RASA1: variants seen among roughly 807,000 people sequenced by gnomAD.
The protein encoded by RASA1 is RAS p21 protein activator 1.
In RASA1, 25 loss-of-function variants were observed where a neutral mutation model predicts 132.2. The ratio of observed to expected loss-of-function variants is 0.19; its 90% CI spans 0.14 to 0.26. RASA1 has a LOEUF of 0.26. RASA1 is among the 10% of genes least tolerant of loss of function. The pLI is 1.00. For missense variants in RASA1, 964 were observed against 1,299.2 expected (o/e 0.74, Z 3.97); for synonymous variants, 477 against 449.9 (o/e 1.06, Z -0.76).
At chr5:87,274,944 C>T (rs879690593) in intron 1 of RASA1, among the ~76,000 whole-genome samples, 4 of 152,126 alleles carry the variant, frequency 2.6e-5, no homozygotes, top group South Asian at 2.1e-4. Context: ...GGGAAGTTGA[C>T]GGTGATGTCT....
At chr5:87,374,132 A>T (rs943366557) in intron 13 of RASA1, 31 bp from the exon 14 acceptor site, 30 of 1,211,396 alleles carry the variant, frequency 2.5e-5, no homozygotes, top group African/African-American at 9.7e-5. Context: ...AATCTGGGGT[A>T]ATATATATAT....
At chr5:87,359,445 A>G (rs1759906796) in intron 9 of RASA1, among the ~76,000 whole-genome samples, 2 of 152,296 alleles carry the variant, frequency 1.3e-5, no homozygotes, top group South Asian at 4.1e-4. Flanking sequence ...CTTCTAGTGT[A>G]TTGGAATCTT....
intron 1 of RASA1, among the ~76,000 whole-genome samples, chr5:87,290,689 C>T (rs1024916708): frequency 1.3e-5 from 2 of 152,170 alleles, no homozygotes; most frequent in Non-Finnish European, 1.5e-5. Flanking sequence ...AATCTTTTTA[C>T]TGTCTCCATA....
intron 15 of RASA1, among the ~76,000 whole-genome samples, chr5:87,376,068 T>A (rs1761305925): frequency 6.6e-6 from 1 of 152,204 alleles, no homozygotes; most frequent in Non-Finnish European, 1.5e-5. Context: ...ATTATTTCTC[T>A]GTACTCGAAT....
chr5:87,376,137 T>A (rs779435867), intron 15 of RASA1: 9 of 512,938 alleles, frequency 1.8e-5, no homozygotes, highest in Non-Finnish European at 2.8e-5. Flanking sequence ...TTTCTTGCCT[T>A]CTTGACTAAA....
chr5:87,284,436 A>C (rs1358224605), intron 1 of RASA1, among the ~76,000 whole-genome samples: 1 of 152,146 alleles, frequency 6.6e-6, no homozygotes, highest in Non-Finnish European at 1.5e-5. Context: ...ATTTAGAAGA[A>C]ATTATTATTA....
chr5:87,376,440 G>A lies in RASA1; in HGVS notation c.2059G>A (p.Asp687Asn). The A allele has an allele frequency of 1.2e-6, 2 of 1,614,046 alleles. No individual in the cohort carries two copies. The highest frequency in any genetic ancestry group is 1.7e-6 in the Non-Finnish European group (2 of 1,179,984). ...CCGATTACAGAAAGGGCATGCCACAGATGAATGGTTTCTGCTCAGCTCCCA... is the reference window on the plus strand; with the variant it reads ...CCGATTACAGAAAGGGCATGCCACAAATGAATGGTTTCTGCTCAGCTCCCA... Reference protein sequence around the residue: ...LSRLQKGHATDEWFLLSSHIP... With the variant: ...LSRLQKGHATNEWFLLSSHIP... Residue 687 changes from aspartate to asparagine, a missense_variant, in exon 16 of 25, where the codon GAT (aspartate) becomes AAT (asparagine). Physicochemically the swap from Asp to Asn is conservative, Grantham distance 23. Transcript: ENST00000274376.
chr5:87,384,104 G>C (rs1384086231), intron 21 of RASA1, among the ~76,000 whole-genome samples: 1 of 152,050 alleles, frequency 6.6e-6, no homozygotes, highest in Non-Finnish European at 1.5e-5. Context: ...AAGTTGGGAA[G>C]AGCTTTGCTT....
At chr5:87,335,246 C>T (rs554071638) in intron 4 of RASA1, among the ~76,000 whole-genome samples, 1 of 152,072 alleles carries the variant, frequency 6.6e-6, no homozygotes, top group Non-Finnish European at 1.5e-5. Context: ...TGAAGAAGAA[C>T]AGAGTGAGTC....
chr5:87,333,408 C>T, intron 4 of RASA1, 71 bp downstream of exon 4: 1 of 1,582,780 alleles, frequency 6.3e-7, no homozygotes, highest in Non-Finnish European at 8.6e-7. Context: ...TACTCTTGGA[C>T]TAGGAAGCTT....
At chr5:87,359,261 G>C (rs1759889749) in intron 9 of RASA1, among the ~76,000 whole-genome samples, 1 of 152,132 alleles carries the variant, frequency 6.6e-6, no homozygotes, top group African/African-American at 2.4e-5. Context: ...CTAGGGAAGA[G>C]CTTGGTTCAA....
At chr5:87,286,968 AC>A (rs1251118991) in intron 1 of RASA1, among the ~76,000 whole-genome samples, 3 of 148,894 alleles carry the variant, frequency 2.0e-5, no homozygotes, top group Non-Finnish European at 3.0e-5. Context: ...CCATATATAC[AC>A]CATATATATA....
chr5:87,391,143 C>G lies in RASA1; in HGVS notation c.*260C>G. ...CCTCTGAGCCTTGGTGTACAGACCA[C>G]CTTTCACAAAACGAAATGCTATGAC... On this transcript the variant is annotated 3_prime_UTR_variant, in exon 25 of 25. Transcript: ENST00000274376. 5.2e-6 allele frequency: 3 copies of G among 573,098 alleles called. No homozygotes were observed. Among genetic ancestry groups the G allele is most frequent in the Non-Finnish European group, 9.4e-6 (3 of 320,248 alleles). The allele number at this position is 573,098 out of a possible 1,614,324, so 35.5% of individuals were successfully genotyped here.
intron 23 of RASA1, among the ~76,000 whole-genome samples, chr5:87,388,894 G>A (rs1367437602): frequency 3.3e-5 from 5 of 151,986 alleles, no homozygotes; most frequent in African/African-American, 7.3e-5. Flanking sequence ...GATTTTTTCA[G>A]ATACAAAGCT....
At chr5:87,319,833 G>T (rs1373587495) in intron 1 of RASA1, among the ~76,000 whole-genome samples, 1 of 152,138 alleles carries the variant, frequency 6.6e-6, no homozygotes, top group African/African-American at 2.4e-5. Flanking sequence ...AAATGGGTTT[G>T]TCTTTTCTAT....
chr5:87,374,744 G>T, intron 14 of RASA1, 96 bp from the exon 15 acceptor site: 2 of 1,499,514 alleles, frequency 1.3e-6, no homozygotes, highest in East Asian at 2.4e-5. Context: ...TTTTTTTAAA[G>T]CAGAAATAGG....
intron 1 of RASA1, among the ~76,000 whole-genome samples, chr5:87,313,115 G>T (rs1756045417): frequency 6.6e-6 from 1 of 152,212 alleles, no homozygotes; most frequent in African/African-American, 2.4e-5. Context: ...TATTATGGGA[G>T]TTCAGAGTAG....
chr5:87,346,849 C>T (rs1758900174), intron 7 of RASA1, 125 bp downstream of exon 7: 4 of 657,644 alleles, frequency 6.1e-6, no homozygotes, highest in South Asian at 5.8e-5. Flanking sequence ...AATTTCGTGT[C>T]CAGTACTAAG....
intron 11 of RASA1, among the ~76,000 whole-genome samples, chr5:87,365,608 T>TTATA (rs1437322791): frequency 6.6e-6 from 1 of 152,074 alleles, no homozygotes; most frequent in Non-Finnish European, 1.5e-5. Flanking sequence ...TTTTACTACT[T>TTATA]TATAATTAGC....
Sources: allele counts gnomAD v4.1 joint callset (sites outside exome capture counted in the v4.1 genomes callset), GRCh38; gene constraint gnomAD v4.1.1; transcripts MANE v1.5; gene names NCBI Gene and HGNC (gene_info 2026-07-23, HGNC 2026-07-21).